EEPD1: variants seen among roughly 807,000 people sequenced by gnomAD.
The protein encoded by EEPD1 is endonuclease/exonuclease/phosphatase family domain containing 1.
In EEPD1, 17 loss-of-function variants were observed where a neutral mutation model predicts 46.3. The observed-to-expected ratio is 0.37, with a 90% CI of 0.25 to 0.55. The LOEUF (loss-of-function observed/expected upper bound fraction) is 0.55. Ranked by LOEUF, EEPD1 falls within the 20% of genes least tolerant of loss-of-function variation. The probability of loss-of-function intolerance (pLI) is 0.83; values close to 1 mark genes in which losing one functional copy is unlikely to be tolerated. For synonymous variants in EEPD1, 313 were observed against 315.6 expected (o/e 0.99, Z 0.09); for missense variants, 673 against 745.6 (o/e 0.90, Z 1.13).
rs1445713040 is a variant in EEPD1, at chr7:36,281,187, G to T, written c.1003G>T (p.Ala335Ser). The T allele has an allele frequency of 1.2e-6, 2 of 1,614,204 alleles. No homozygotes were observed. The highest frequency in any genetic ancestry group is 1.7e-6 in the Non-Finnish European group (2 of 1,180,036). The part of the protein sequence containing the change: ...KWKGPRGCWK[A>S]VVAEKPSSQL... ...GAAGGGGCCCCGGGGATGCTGGAAG[G>T]CTGTTGTTGCTGAGAAGCCCTCGAG... Residue 335 changes from alanine to serine, a missense_variant, in exon 4 of 8, where the codon GCT (alanine) becomes TCT (serine). By Grantham distance (99) the Ala-to-Ser change is moderately conservative. Transcript: ENST00000242108.
At chr7:36,257,783 C>T (rs962552158) in intron 3 of EEPD1, among the ~76,000 whole-genome samples, 2 of 152,114 alleles carry the variant, frequency 1.3e-5, no homozygotes, top group African/African-American at 4.8e-5. Flanking sequence ...TCCTTTAGCT[C>T]GGAGGAGTTT....
intron 2 of EEPD1, among the ~76,000 whole-genome samples, chr7:36,187,958 C>T (rs911100117): frequency 1.3e-5 from 2 of 152,074 alleles, no homozygotes; most frequent in Non-Finnish European, 2.9e-5. Context: ...CCACCACGCC[C>T]GGCTAATTTT....
In EEPD1 at chr7:36,207,125, T is replaced by A. The variant is rs563178282; in HGVS notation, c.879-31860T>A. Among the ~76,000 whole-genome samples, 12 of 152,282 alleles carry A rather than the reference T, an allele frequency of 7.9e-5. No individual in the cohort carries two copies. The South Asian group carries it at 1.7e-3, about 21-fold the overall frequency. On this transcript the variant is annotated intron_variant, in intron 2 of 7. Transcript: ENST00000242108. ...AGATATCATTCTTTTGGCAAAAATT[T>A]ATTGAGGGTCTGCCAGGTGCTAGGC... is the stretch of plus-strand genomic sequence containing the variant.
rs1784770610 is a variant in EEPD1 at position 36,154,075 on chromosome 7, G to T, written c.-192-58G>T. On this transcript the variant is annotated intron_variant, in intron 1 of 7. Coordinates refer to ENST00000242108, the MANE Select transcript of EEPD1 (RefSeq NM_030636.3). The surrounding 1 kb of genome is among the most constrained non-coding windows in gnomAD (Gnocchi z 4.2). Reference sequence around the variant, plus strand: ...TACTAACTCTAGCACTAGGTAGGGGGTGCTAATGCAAATTTCTTAATTCAA... The same window carrying T: ...TACTAACTCTAGCACTAGGTAGGGGTTGCTAATGCAAATTTCTTAATTCAA... 1.8e-6 allele frequency: 1 copy of T among 554,848 alleles called. No individual in the cohort carries two copies. The highest frequency in any genetic ancestry group is 3.2e-5 in the Admixed American group (1 of 30,842). 34.4% of individuals were successfully genotyped at this position (554,848 alleles called of 1,614,324 possible). A position where few individuals can be genotyped will look rare whatever the true frequency, so the allele number is the denominator to read the frequency against.
At chr7:36,260,275 G>A (rs1786901220) in intron 3 of EEPD1, among the ~76,000 whole-genome samples, 1 of 152,202 alleles carries the variant, frequency 6.6e-6, no homozygotes, top group South Asian at 2.1e-4. Context: ...GTTTTTGTAT[G>A]GGAATGTATT....
intron 2 of EEPD1, among the ~76,000 whole-genome samples, chr7:36,235,828 G>T (rs1786423153): frequency 6.6e-6 from 1 of 152,074 alleles, no homozygotes; most frequent in South Asian, 2.1e-4. Flanking sequence ...ATAAAATTTA[G>T]CATTTTAACT....
chr7:36,263,240 G>C (rs1484136891), intron 3 of EEPD1, among the ~76,000 whole-genome samples: 1 of 152,156 alleles, frequency 6.6e-6, no homozygotes, highest in African/African-American at 2.4e-5. Flanking sequence ...GCTGAGGCGT[G>C]AGTATTGCCT....
chr7:36,241,693 C>T (rs1786556050), intron 3 of EEPD1, among the ~76,000 whole-genome samples: 1 of 151,874 alleles, frequency 6.6e-6, no homozygotes, highest in South Asian at 2.1e-4. Flanking sequence ...ATGGTGAAAC[C>T]CGGTCTCTGC....
At chr7:36,241,820 A>G (rs1324893484) in intron 3 of EEPD1, among the ~76,000 whole-genome samples, 1 of 152,210 alleles carries the variant, frequency 6.6e-6, no homozygotes, top group Admixed American at 6.5e-5. Context: ...GTGAGCCGAG[A>G]TTGCGCCATT....
intron 2 of EEPD1, among the ~76,000 whole-genome samples, chr7:36,202,950 C>T (rs146768709): frequency 7.2e-5 from 11 of 152,342 alleles, no homozygotes; most frequent in African/African-American, 1.7e-4. Context: ...CGGCTTCTTA[C>T]AGGCAGGGCG....
At chr7:36,269,097 A>G (rs1787065370) in intron 3 of EEPD1, among the ~76,000 whole-genome samples, 1 of 152,228 alleles carries the variant, frequency 6.6e-6, no homozygotes, top group Non-Finnish European at 1.5e-5. Flanking sequence ...AGTGGGCAGT[A>G]GACATTCCCG....
At chr7:36,171,077 A>G (rs1785072842) in intron 2 of EEPD1, among the ~76,000 whole-genome samples, 1 of 152,074 alleles carries the variant, frequency 6.6e-6, no homozygotes, top group Non-Finnish European at 1.5e-5. Flanking sequence ...GTGCACCACC[A>G]CACCTGGCTA....
chr7:36,195,133 T>C (rs1428716942), intron 2 of EEPD1, among the ~76,000 whole-genome samples: 3 of 152,212 alleles, frequency 2.0e-5, no homozygotes, highest in Non-Finnish European at 4.4e-5. Flanking sequence ...AGGGCGCCCT[T>C]CTGAGTTCCC....
rs1269894177 is a variant in EEPD1, at chr7:36,268,698, G to C, written c.931-12417G>C. On this transcript the variant is annotated intron_variant, in intron 3 of 7. Coordinates refer to ENST00000242108, the MANE Select transcript of EEPD1 (RefSeq NM_030636.3). ...ATGTCGAAGGGGGATCTGTCTCTCTGTAGTCTAGGCCTGAGGGAGCAGCCC... is the reference window on the plus strand; with the variant it reads ...ATGTCGAAGGGGGATCTGTCTCTCTCTAGTCTAGGCCTGAGGGAGCAGCCC... Among the ~76,000 whole-genome samples the C allele has an allele frequency of 2.6e-5, 4 of 152,280 alleles. No individual in the cohort carries two copies. The South Asian group carries it at 6.2e-4, about 24-fold the overall frequency.
At chr7:36,213,575 G>A (rs1562689180) in intron 2 of EEPD1, among the ~76,000 whole-genome samples, 1 of 152,126 alleles carries the variant, frequency 6.6e-6, no homozygotes, top group South Asian at 2.1e-4. Flanking sequence ...AGAGGAGGTC[G>A]GAAAGAGCAC....
Position 36,175,712 on chromosome 7 carries a change from A to G in EEPD1, c.878+20510A>G, listed in dbSNP as rs1283061770. The stretch of plus-strand genomic sequence containing the variant: ...CTGGGTGTGACAGCTCAGTGTCTTC[A>G]GACACTGCCAGATGAACATGCTCTT... On this transcript the variant is annotated intron_variant, in intron 2 of 7. Coordinates refer to ENST00000242108, the MANE Select transcript of EEPD1 (RefSeq NM_030636.3). Among the ~76,000 whole-genome samples the G allele has an allele frequency of 2.0e-5, 3 of 152,174 alleles. No homozygotes were observed. The East Asian group carries it at 5.8e-4, about 29-fold the overall frequency.
At chr7:36,155,565 T>C (rs1396019922) in intron 2 of EEPD1, among the ~76,000 whole-genome samples, 2 of 152,204 alleles carry the variant, frequency 1.3e-5, no homozygotes, top group African/African-American at 4.8e-5. Context: ...AAAGAGCTCA[T>C]TGGATTTTGT....
intron 3 of EEPD1, among the ~76,000 whole-genome samples, chr7:36,279,043 G>T (rs1787221717): frequency 6.6e-6 from 1 of 152,208 alleles, no homozygotes; most frequent in African/African-American, 2.4e-5. Flanking sequence ...GGTTACAATG[G>T]AGGCAACTAC....
At chr7:36,191,049 T>A (rs1785452755) in intron 2 of EEPD1, among the ~76,000 whole-genome samples, 1 of 152,224 alleles carries the variant, frequency 6.6e-6, no homozygotes, top group Non-Finnish European at 1.5e-5. Flanking sequence ...CTTAGGAACT[T>A]TTATTTGCTC....
Sources: allele counts gnomAD v4.1 joint callset (sites outside exome capture counted in the v4.1 genomes callset), GRCh38; gene constraint gnomAD v4.1.1; non-coding constraint Gnocchi (gnomAD v3.1); transcripts MANE v1.5; gene names NCBI Gene and HGNC (gene_info 2026-07-23, HGNC 2026-07-21).